Variants in TAFA5 observed in about 807,000 individuals in gnomAD.
The protein encoded by TAFA5 is TAFA chemokine like family member 5, also known as chemokine-like protein TAFA-5.
Under a neutral mutation model 15.3 loss-of-function variants are expected in TAFA5, and 6 were observed. That is an observed-to-expected ratio of 0.39 (90% CI 0.21 to 0.77). The LOEUF (loss-of-function observed/expected upper bound fraction) is 0.77. TAFA5 is among the 30% of genes least tolerant of loss of function. The probability of loss-of-function intolerance (pLI) is 0.41; values close to 1 mark genes in which losing one functional copy is unlikely to be tolerated. For synonymous variants in TAFA5, 103 were observed against 80.7 expected (o/e 1.28, Z -1.48); for missense variants, 161 against 193.1 (o/e 0.83, Z 0.98).
chr22:48,749,939 C>T lies in TAFA5; in HGVS notation c.*92C>T, dbSNP rs987057280. The T allele has an allele frequency of 8.0e-7, 1 of 1,256,462 alleles. No individual in the cohort carries two copies. The highest frequency in any genetic ancestry group is 1.1e-6 in the Non-Finnish European group (1 of 885,982). The allele number at this position is 1,256,462 out of a possible 1,614,324, so 77.8% of individuals were successfully genotyped here. On this transcript the variant is annotated 3_prime_UTR_variant, in exon 4 of 4. Transcript: ENST00000402357. ...AGTTCTCCACTCGCCTCGGACTTCA[C>T]CCGTTCTCTGCCGCCCGCCCACTCC...
At chr22:48,605,432 G>GTGATGGTGATGGTAA (rs1448468274) in intron 1 of TAFA5, among the ~76,000 whole-genome samples, 19 of 50,758 alleles carry the variant, frequency 3.7e-4, no homozygotes, top group African/African-American at 6.3e-4. Context: ...GGTGGTGGTG[G>GTGATGGTGATGGTAA]TGGTGGTGGT....
At chr22:48,696,827 G>A (rs1208847473) in intron 2 of TAFA5, among the ~76,000 whole-genome samples, 1 of 152,236 alleles carries the variant, frequency 6.6e-6, no homozygotes, top group Non-Finnish European at 1.5e-5. Context: ...GCAAGGCCTG[G>A]CCTGCATCAT....
chr22:48,511,376 C>G (rs970756289), intron 1 of TAFA5, among the ~76,000 whole-genome samples: 2 of 152,200 alleles, frequency 1.3e-5, no homozygotes, highest in Admixed American at 6.5e-5. Flanking sequence ...CCTCCTCCTC[C>G]TCCTCCTCAC....
At chr22:48,662,415 G>A (rs1467401324) in intron 2 of TAFA5, among the ~76,000 whole-genome samples, 2 of 152,216 alleles carry the variant, frequency 1.3e-5, no homozygotes, top group Non-Finnish European at 2.9e-5. Context: ...AGGGCAGCAA[G>A]AGGAGTCTGC....
chr22:48,563,894 C>T (rs1473829179), intron 1 of TAFA5, among the ~76,000 whole-genome samples: 1 of 152,252 alleles, frequency 6.6e-6, no homozygotes, highest in Non-Finnish European at 1.5e-5. Context: ...CCAGGTTCCT[C>T]ACTGGGCCCA....
intron 3 of TAFA5, among the ~76,000 whole-genome samples, chr22:48,736,947 A>C (rs1435778283): frequency 6.6e-6 from 1 of 150,528 alleles, no homozygotes; most frequent in Non-Finnish European, 1.5e-5. Flanking sequence ...TTAAGTGGCA[A>C]ATTTTATTGT....
intron 1 of TAFA5, among the ~76,000 whole-genome samples, chr22:48,630,478 G>C (rs1472334938): frequency 2.6e-5 from 4 of 152,174 alleles, no homozygotes; most frequent in Non-Finnish European, 4.4e-5. Context: ...GTCGTCAGCG[G>C]CGTGTGATGA....
At chr22:48,515,811 C>G (rs536154317) in intron 1 of TAFA5, among the ~76,000 whole-genome samples, 9 of 152,118 alleles carry the variant, frequency 5.9e-5, no homozygotes, top group Non-Finnish European at 8.8e-5. Flanking sequence ...CACCTCAGAA[C>G]AGGAACTGGC....
intron 1 of TAFA5, among the ~76,000 whole-genome samples, chr22:48,592,501 C>T (rs1477382296): frequency 6.6e-6 from 1 of 152,248 alleles, no homozygotes; most frequent in African/African-American, 2.4e-5. Context: ...GCCCTGGGTC[C>T]AGGTCTCTTC....
intron 1 of TAFA5, among the ~76,000 whole-genome samples, chr22:48,533,061 G>T (rs1051825027): frequency 6.6e-6 from 1 of 152,140 alleles, no homozygotes; most frequent in Non-Finnish European, 1.5e-5. Context: ...TTGCTGACAG[G>T]TGCGGGCGGA....
intron 1 of TAFA5, among the ~76,000 whole-genome samples, chr22:48,641,352 T>G (rs936975377): frequency 6.6e-6 from 1 of 152,118 alleles, no homozygotes; most frequent in African/African-American, 2.4e-5. Context: ...AAAGTCAAAT[T>G]TGGGGATGTG....
At chr22:48,654,076 C>T (rs1174832712) in intron 2 of TAFA5, among the ~76,000 whole-genome samples, 1 of 151,934 alleles carries the variant, frequency 6.6e-6, no homozygotes, top group African/African-American at 2.4e-5. Flanking sequence ...GGCACGGTGG[C>T]TCTGCAGGGA....
intron 1 of TAFA5, among the ~76,000 whole-genome samples, chr22:48,594,789 C>T (rs1008171846): frequency 2.6e-5 from 4 of 152,086 alleles, no homozygotes; most frequent in Non-Finnish European, 4.4e-5. Context: ...GACGGATGGG[C>T]GTAAGGACGG....
intron 2 of TAFA5, among the ~76,000 whole-genome samples, chr22:48,685,588 G>A (rs964517853): frequency 5.9e-5 from 9 of 152,028 alleles, no homozygotes; most frequent in Non-Finnish European, 1.3e-4. Flanking sequence ...TGATACTGCT[G>A]GTCAGTGGGG....
At position 48,749,815 on chromosome 22, in the gene TAFA5, C is replaced by CCT. The variant is rs753903466; in HGVS notation, c.391-13_391-12dup. The CCT allele has an allele frequency of 2.3e-5, 35 of 1,554,884 alleles. No individual in the cohort carries two copies. In the South Asian group the frequency reaches 3.4e-4, roughly 15 times the overall value. The stretch of plus-strand genomic sequence containing the variant: ...TGGGCAGCGTCTGCAGGAGGCTCAC[C>CCT]CTCTCTCTCTCTTTGCTCCTCAGGT... On this transcript the variant is annotated intron_variant, in intron 3 of 3. Coordinates refer to ENST00000402357, the MANE Select transcript of TAFA5 (RefSeq NM_001082967.3).
chr22:48,512,133 G>T (rs1272784934), intron 1 of TAFA5, among the ~76,000 whole-genome samples: 2 of 152,180 alleles, frequency 1.3e-5, no homozygotes, highest in Non-Finnish European at 2.9e-5. Context: ...AGGTGACTGA[G>T]CCCCTGTGGT....
At chr22:48,744,766 T>C (rs1039336587) in intron 3 of TAFA5, among the ~76,000 whole-genome samples, 5 of 152,324 alleles carry the variant, frequency 3.3e-5, no homozygotes. Flanking sequence ...TTCTTTTCTT[T>C]ATTTTTTTTG....
At chr22:48,590,438 C>T (rs567758320) in intron 1 of TAFA5, among the ~76,000 whole-genome samples, 11 of 152,312 alleles carry the variant, frequency 7.2e-5, no homozygotes, top group South Asian at 2.1e-4. Context: ...TTTCCATTCA[C>T]GGGCTGATGG....
rs967556604 is a variant in TAFA5 at position 48,598,911 on chromosome 22, G to A, written c.113-47686G>A. Among the ~76,000 whole-genome samples, 1 of 152,044 alleles carries A rather than the reference G, an allele frequency of 6.6e-6. No individual in the cohort carries two copies. The highest frequency in any genetic ancestry group is 6.6e-5 in the Admixed American group (1 of 15,262). ...CCTCTCCTGGCATTCCGTCATTTGC[G>A]AGAATGGCCCACAATCCTCAGGAAG... is the stretch of plus-strand genomic sequence containing the variant. On this transcript the variant is annotated intron_variant, in intron 1 of 3. Transcript: ENST00000402357. This position sits in a 1 kb window ranked among gnomAD's most constrained non-coding sequence, Gnocchi z 4.0.
Sources: gnomAD v4.1 joint callset for allele counts (sites outside exome capture counted in the v4.1 genomes callset) on GRCh38, gnomAD v4.1.1 for gene constraint, Gnocchi (gnomAD v3.1) non-coding constraint, MANE v1.5 for transcripts, NCBI Gene and HGNC (gene_info 2026-07-23, HGNC 2026-07-21) for gene names.